Variants in CDH18 observed in about 807,000 individuals in gnomAD.
CDH18 encodes the protein cadherin 18.
Under a neutral mutation model 67.9 loss-of-function variants are expected in CDH18, and 31 were observed. The observed-to-expected ratio is 0.46, with a 90% CI of 0.34 to 0.62. The LOEUF (loss-of-function observed/expected upper bound fraction) is 0.62, where lower values mean the gene tolerates loss of function less well. CDH18 is among the 20% of genes least tolerant of loss of function. The probability of loss-of-function intolerance (pLI) is 0.01; values close to 1 mark genes in which losing one functional copy is unlikely to be tolerated. For synonymous variants in CDH18, 362 were observed against 347.2 expected (o/e 1.04, Z -0.48); for missense variants, 890 against 975.5 (o/e 0.91, Z 1.17).
chr5:19,866,172 C>A (rs1785468437), intron 2 of CDH18, among the ~76,000 whole-genome samples: 1 of 152,172 alleles, frequency 6.6e-6, no homozygotes, highest in Non-Finnish European at 1.5e-5. Flanking sequence ...CATTTTCTCG[C>A]TACAAAATGA....
chr5:20,058,700 A>T (rs1244475210), intron 2 of CDH18, among the ~76,000 whole-genome samples: 1 of 152,230 alleles, frequency 6.6e-6, no homozygotes, highest in Non-Finnish European at 1.5e-5. Context: ...AATGGAAAGT[A>T]AATCTTAGAG....
At chr5:20,270,999 C>T (rs540251268) in intron 1 of CDH18, among the ~76,000 whole-genome samples, 6 of 151,880 alleles carry the variant, frequency 4.0e-5, no homozygotes, top group Non-Finnish European at 8.8e-5. Context: ...TAGGGTGGGA[C>T]GGGGGAGAGG....
At chr5:20,040,088 CAT>C (rs1440817796) in intron 2 of CDH18, among the ~76,000 whole-genome samples, 8 of 151,910 alleles carry the variant, frequency 5.3e-5, no homozygotes, top group African/African-American at 1.9e-4. Flanking sequence ...GGCCAACAAA[CAT>C]ATGAAAAAAA....
chr5:20,152,169 AAATACATATAAT>A (rs1381861085), intron 2 of CDH18, among the ~76,000 whole-genome samples: 76 of 139,712 alleles, frequency 5.4e-4, no homozygotes, highest in Non-Finnish European at 1.0e-3. Context: ...ATTATATATA[AAATACATATAAT>A]TATATATAAT....
At position 19,544,020 on chromosome 5, in the gene CDH18, A is replaced by G. The variant is rs748217722; in HGVS notation, c.1254-15T>C. On this transcript the variant is annotated splice_polypyrimidine_tract_variant and intron_variant, in intron 8 of 12. Coordinates refer to ENST00000382275, the MANE Select transcript of CDH18 (RefSeq NM_004934.5). ...TGATGAAGTATCTAGAGAAAAAAAG[A>G]GAAGTTTTTACTTGATGTTATAATG... 1.7e-5 allele frequency: 26 copies of G among 1,487,778 alleles called. No individual in the cohort carries two copies. The highest frequency in any genetic ancestry group is 2.0e-5 in the Non-Finnish European group (22 of 1,095,604). 92.2% of individuals were successfully genotyped at this position (1,487,778 alleles called of 1,614,324 possible).
chr5:20,080,800 T>C (rs1744404393), intron 2 of CDH18, among the ~76,000 whole-genome samples: 1 of 152,132 alleles, frequency 6.6e-6, no homozygotes, highest in African/African-American at 2.4e-5. Flanking sequence ...TAGTTGTATA[T>C]AAATGAATGC....
intron 2 of CDH18, among the ~76,000 whole-genome samples, chr5:19,994,348 T>C (rs1028841013): frequency 7.0e-6 from 1 of 143,444 alleles, no homozygotes; most frequent in Non-Finnish European, 1.5e-5. Context: ...CACCTCTCTA[T>C]CCCCTTAGTT....
At chr5:20,312,530 C>A (rs10070509) in intron 1 of CDH18, among the ~76,000 whole-genome samples, 11,508 of 152,124 alleles carry the variant, frequency 0.076, 693 homozygotes, top group East Asian at 0.29. Context: ...CCTACAGACG[C>A]CATGCAGCAC....
chr5:20,479,310 T>G (rs943457975), intron 1 of CDH18, among the ~76,000 whole-genome samples: 6 of 152,116 alleles, frequency 3.9e-5, no homozygotes, highest in Non-Finnish European at 7.4e-5. Context: ...GACAGAGATA[T>G]ATGAAATTTC....
chr5:20,559,278 T>C (rs1283218004), intron 1 of CDH18, among the ~76,000 whole-genome samples: 2 of 152,062 alleles, frequency 1.3e-5, no homozygotes, highest in African/African-American at 2.4e-5. Flanking sequence ...TCCTATCTAA[T>C]AGTGTGATGA....
chr5:20,450,254 G>A lies in CDH18; in HGVS notation c.-580+125208C>T, dbSNP rs922438329. Among the ~76,000 whole-genome samples, 8 of 152,232 alleles carry A rather than the reference G, an allele frequency of 5.3e-5. No individual in the cohort carries two copies. The East Asian group carries it at 1.4e-3, about 26-fold the overall frequency. On this transcript the variant is annotated intron_variant, in intron 1 of 14. Transcript: ENST00000507958. ...CCCAGCTACTTGGGAGGCTGAAGCA[G>A]GAGAATCGCTTGAACTTGGGAGGCG...
chr5:19,999,138 T>A (rs1736239751), intron 2 of CDH18, among the ~76,000 whole-genome samples: 1 of 152,134 alleles, frequency 6.6e-6, no homozygotes, highest in Non-Finnish European at 1.5e-5. Flanking sequence ...ATAAAGTCCC[T>A]GTAAACACAG....
chr5:20,373,768 C>T (rs1238493496), intron 1 of CDH18, among the ~76,000 whole-genome samples: 1 of 151,920 alleles, frequency 6.6e-6, no homozygotes, highest in African/African-American at 2.4e-5. Context: ...TAAATATAGA[C>T]ATTTAAGGCT....
At chr5:19,598,665 TTAAA>T (rs1163853117) in intron 6 of CDH18, among the ~76,000 whole-genome samples, 1 of 152,078 alleles carries the variant, frequency 6.6e-6, no homozygotes, top group Non-Finnish European at 1.5e-5. Flanking sequence ...GATAACAAAA[TTAAA>T]TTATCTCCTC....
Position 19,966,102 on chromosome 5 carries a change from T to A in CDH18, c.-257+14958A>T, listed in dbSNP as rs533336380. Among the ~76,000 whole-genome samples the A allele has an allele frequency of 1.6e-4, 25 of 152,308 alleles. No individual in the cohort carries two copies. In the South Asian group the frequency reaches 5.0e-3, roughly 30 times the overall value. ...ACTATACACACTACTTTGATTTATA[T>A]ATAAAAAGATAATTTGTTTAAAAGA... is the stretch of plus-strand genomic sequence containing the variant. On this transcript the variant is annotated intron_variant, in intron 2 of 12. Transcript: ENST00000382275.
At chr5:19,744,460 C>T (rs1036047236) in intron 4 of CDH18, among the ~76,000 whole-genome samples, 3 of 151,110 alleles carry the variant, frequency 2.0e-5, no homozygotes, top group Non-Finnish European at 4.4e-5. Flanking sequence ...ATGTGGCATC[C>T]TTTTACAATA....
intron 4 of CDH18, among the ~76,000 whole-genome samples, chr5:19,742,451 A>G (rs1769340606): frequency 6.6e-6 from 1 of 151,064 alleles, no homozygotes; most frequent in South Asian, 2.1e-4. Context: ...AAGCTGGACT[A>G]TTTTTTTTTA....
intron 1 of CDH18, among the ~76,000 whole-genome samples, chr5:20,427,634 G>A (rs992776161): frequency 6.6e-6 from 1 of 151,084 alleles, no homozygotes; most frequent in Admixed American, 6.6e-5. Context: ...CACATTAGGT[G>A]TAAAATGGAC....
intron 5 of CDH18, among the ~76,000 whole-genome samples, chr5:19,696,543 A>G (rs570484245): frequency 3.3e-5 from 5 of 151,904 alleles, no homozygotes; most frequent in Admixed American, 3.3e-4. Context: ...CTTAAAAAAA[A>G]AAAAAGAGCC....
Sources: gnomAD v4.1 joint callset for allele counts (sites outside exome capture counted in the v4.1 genomes callset) on GRCh38, gnomAD v4.1.1 for gene constraint, MANE v1.5 for transcripts, NCBI Gene and HGNC (gene_info 2026-07-23, HGNC 2026-07-21) for gene names.